The following DPP10 variants were observed in gnomAD, a reference collection of about 807,000 sequenced individuals.
The protein encoded by DPP10 is dipeptidyl peptidase like 10.
In DPP10, 33 loss-of-function variants were observed where a neutral mutation model predicts 120.9. The observed-to-expected ratio is 0.27, with a 90% CI of 0.21 to 0.37. The LOEUF is 0.37. DPP10 is among the 10% of genes least tolerant of loss of function. The pLI, the probability that DPP10 is intolerant of heterozygous loss-of-function variation, is 1.00. For synonymous variants in DPP10, 337 were observed against 326.1 expected (o/e 1.03, Z -0.36); for missense variants, 816 against 942.8 (o/e 0.87, Z 1.76).
chr2:115,269,752 G>C (rs1215872730), intron 1 of DPP10, among the ~76,000 whole-genome samples: 1 of 152,130 alleles, frequency 6.6e-6, no homozygotes, highest in Non-Finnish European at 1.5e-5. Context: ...TTGGTTTGTA[G>C]TAAGTCAGAA....
intron 3 of DPP10, among the ~76,000 whole-genome samples, chr2:115,433,925 T>C (rs148743164): frequency 6.8e-4 from 103 of 152,124 alleles, no homozygotes; most frequent in South Asian, 2.1e-3. Context: ...CCTACACTTC[T>C]GGAGACTTGA....
chr2:114,479,992 T>G (rs967386940), intron 1 of DPP10, among the ~76,000 whole-genome samples: 2 of 151,806 alleles, frequency 1.3e-5, no homozygotes, highest in East Asian at 3.9e-4. Context: ...ATCCAGAATC[T>G]ACAATGAACT....
intron 3 of DPP10, among the ~76,000 whole-genome samples, chr2:115,366,430 TG>T (rs1446003017): frequency 1.3e-5 from 2 of 152,126 alleles, no homozygotes; most frequent in African/African-American, 4.8e-5. Flanking sequence ...CTTTTTGTCC[TG>T]GTTTATTCCT....
At chr2:114,916,350 A>C (rs181882775) in intron 1 of DPP10, among the ~76,000 whole-genome samples, 98 of 152,306 alleles carry the variant, frequency 6.4e-4, no homozygotes, top group Non-Finnish European at 1.0e-3. Flanking sequence ...TAACCAGAAA[A>C]AGCCCTGGAT....
chr2:114,759,010 A>G (rs983779653), intron 1 of DPP10, among the ~76,000 whole-genome samples: 1 of 152,248 alleles, frequency 6.6e-6, no homozygotes, highest in Admixed American at 6.5e-5. Flanking sequence ...CATTTGCAAG[A>G]TAAGAAATGG....
intron 1 of DPP10, among the ~76,000 whole-genome samples, chr2:114,743,776 G>A (rs912088254): frequency 1.3e-5 from 2 of 151,962 alleles, no homozygotes; most frequent in Non-Finnish European, 2.9e-5. Flanking sequence ...AAAACAAGAA[G>A]TTTCATAGAG....
At chr2:114,497,786 C>T (rs905964499) in intron 1 of DPP10, among the ~76,000 whole-genome samples, 2 of 152,166 alleles carry the variant, frequency 1.3e-5, no homozygotes, top group African/African-American at 2.4e-5. Context: ...CTCTCATCCC[C>T]TTCAATGGAA....
At chr2:114,462,906 G>T (rs749864063) in intron 1 of DPP10, among the ~76,000 whole-genome samples, 3 of 152,034 alleles carry the variant, frequency 2.0e-5, no homozygotes, top group Non-Finnish European at 2.9e-5. Flanking sequence ...CAATCACTTA[G>T]CTCCTGCATA....
chr2:115,716,289 C>A (rs2002446), intron 7 of DPP10, among the ~76,000 whole-genome samples: 12,603 of 152,146 alleles, frequency 0.083, 653 homozygotes, highest in Non-Finnish European at 0.11. Context: ...GAGAATTAGG[C>A]ATTACTCTGT....
chr2:114,574,987 C>A (rs867193801), intron 1 of DPP10, among the ~76,000 whole-genome samples: 39 of 152,264 alleles, frequency 2.6e-4, no homozygotes, highest in African/African-American at 9.4e-4. Context: ...ATAGTTCTCA[C>A]TCCTCAAAGC....
rs183546880 is a variant in DPP10, at chr2:114,785,076, G to C, written c.60+342238G>C. Among the ~76,000 whole-genome samples, 304 of 152,280 alleles carry C rather than the reference G, an allele frequency of 2.0e-3. 2 individuals are homozygous for C. The highest frequency in any genetic ancestry group is 6.9e-3 in the African/African-American group (288 of 41,548). On this transcript the variant is annotated intron_variant, in intron 1 of 25. Transcript: ENST00000410059. ...TGGCTCTCTAGGGAAAGTGGGGTTGGAGTCCTTTCTGGTCACCGGATGGTT... is the reference window on the plus strand; with the variant it reads ...TGGCTCTCTAGGGAAAGTGGGGTTGCAGTCCTTTCTGGTCACCGGATGGTT...
intron 1 of DPP10, among the ~76,000 whole-genome samples, chr2:114,477,358 C>G (rs1242546870): frequency 4.0e-5 from 6 of 151,842 alleles, no homozygotes; most frequent in African/African-American, 1.5e-4. Flanking sequence ...TTGTTTATTC[C>G]CATTGCAGTA....
intron 4 of DPP10, among the ~76,000 whole-genome samples, chr2:115,521,621 A>G (rs1168740667): frequency 9.5e-6 from 1 of 105,102 alleles, no homozygotes; most frequent in Admixed American, 9.9e-5. Context: ...TTTTTTTTGT[A>G]TTTTATTCAC....
intron 1 of DPP10, among the ~76,000 whole-genome samples, chr2:115,110,469 G>T (rs1015183912): frequency 1.3e-5 from 2 of 152,146 alleles, no homozygotes; most frequent in African/African-American, 4.8e-5. Flanking sequence ...GTGTATGAAA[G>T]CACTTTGAGA....
At chr2:115,524,212 C>A (rs977194243) in intron 4 of DPP10, among the ~76,000 whole-genome samples, 1 of 152,172 alleles carries the variant, frequency 6.6e-6, no homozygotes, top group African/African-American at 2.4e-5. Context: ...GGTCTGTCCT[C>A]ACCTCAGATG....
At chr2:115,727,988 A>C in intron 8 of DPP10, 52 bp downstream of exon 8, 1 of 1,551,662 alleles carries the variant, frequency 6.4e-7, no homozygotes, top group Non-Finnish European at 8.7e-7. Context: ...ATTTTTATAC[A>C]AAATCTACCA....
At chr2:114,956,975 C>T (rs1222997170) in intron 1 of DPP10, among the ~76,000 whole-genome samples, 3 of 116,510 alleles carry the variant, frequency 2.6e-5, no homozygotes, top group Admixed American at 9.5e-5. Context: ...ACCTAAAACT[C>T]TAAAACTATT....
intron 4 of DPP10, among the ~76,000 whole-genome samples, chr2:115,505,025 C>T (rs1280551389): frequency 6.6e-5 from 10 of 151,948 alleles, no homozygotes; most frequent in Non-Finnish European, 1.3e-4. Context: ...TTATTTTTTA[C>T]CCTCAATTAC....
intron 1 of DPP10, among the ~76,000 whole-genome samples, chr2:115,267,705 A>C (rs1185206106): frequency 6.6e-6 from 1 of 151,916 alleles, no homozygotes; most frequent in Non-Finnish European, 1.5e-5. Flanking sequence ...CCACATGCTT[A>C]TTCTTCTCCT....
Sources: gnomAD v4.1 joint callset for allele counts (sites outside exome capture counted in the v4.1 genomes callset) on GRCh38, gnomAD v4.1.1 for gene constraint, MANE v1.5 for transcripts, NCBI Gene and HGNC (gene_info 2026-07-23, HGNC 2026-07-21) for gene names.